RALY: variants seen among roughly 807,000 people sequenced by gnomAD.
RALY encodes the protein RNA-binding protein Raly.
In RALY, 15 loss-of-function variants were observed where a neutral mutation model predicts 30.7. The observed-to-expected ratio is 0.49, with a 90% confidence interval of 0.33 to 0.75. The LOEUF is 0.75. RALY is among the 30% of genes least tolerant of loss of function. The pLI is 0.02. For missense variants in RALY, 339 were observed against 414.3 expected (o/e 0.82, Z 1.58); for synonymous variants, 177 against 170.8 (o/e 1.04, Z -0.28).
intron 1 of RALY, among the ~76,000 whole-genome samples, chr20:34,028,636 G>A (rs551016702): frequency 2.0e-4 from 30 of 149,022 alleles, no homozygotes; most frequent in South Asian, 1.7e-3. Flanking sequence ...CCCGGGAGGC[G>A]GAGCTTGCAG....
chr20:34,077,494 C>T (rs762369324), intron 8 of RALY: 39 of 701,462 alleles, frequency 5.6e-5, no homozygotes, highest in South Asian at 2.5e-4. Flanking sequence ...TTCTGGCCTC[C>T]GGTTTCCACA....
At chr20:34,054,002 T>G (rs1331220380) in intron 2 of RALY, among the ~76,000 whole-genome samples, 2 of 152,166 alleles carry the variant, frequency 1.3e-5, no homozygotes. Flanking sequence ...CTCCCTGTAG[T>G]ATACTGAACA....
intron 1 of RALY, among the ~76,000 whole-genome samples, chr20:34,031,291 C>T (rs2032269509): frequency 6.7e-6 from 1 of 148,706 alleles, no homozygotes; most frequent in Admixed American, 6.8e-5. Flanking sequence ...GAACTCCTGA[C>T]TTCAGGTGAT....
intron 2 of RALY, among the ~76,000 whole-genome samples, chr20:34,054,205 AC>A (rs1170386445): frequency 6.6e-6 from 1 of 152,146 alleles, no homozygotes; most frequent in Non-Finnish European, 1.5e-5. Context: ...AAAAACGCCC[AC>A]CTAGGATTCT....
chr20:34,001,361 A>C (rs190763079), intron 1 of RALY, among the ~76,000 whole-genome samples: 1 of 152,252 alleles, frequency 6.6e-6, no homozygotes, highest in Non-Finnish European at 1.5e-5. Flanking sequence ...TATGGAGTAG[A>C]TGCCTCTACT....
intron 1 of RALY, chr20:34,030,004 C>T (rs921863361): frequency 2.6e-5 from 4 of 152,204 alleles, no homozygotes; most frequent in African/African-American, 7.2e-5. Context: ...GCCTCTGGAA[C>T]CACCTGGCTG....
rs77705695 is a variant in RALY, at chr20:34,066,899, T to A, written c.-9-5167T>A. On this transcript the variant is annotated intron_variant, in intron 2 of 9. Coordinates refer to ENST00000246194, the MANE Select transcript of RALY (RefSeq NM_016732.3). The stretch of plus-strand genomic sequence containing the variant: ...AAAATTCTGTACAACTGTGAGGAAT[T>A]GTAGTAGAAAAGGGAAAGGGTGAGG... Among the ~76,000 whole-genome samples, 129 of 152,246 alleles carry A rather than the reference T, an allele frequency of 8.5e-4. 4 individuals carry two copies. In the East Asian group the frequency reaches 0.023, roughly 27 times the overall value.
chr20:34,033,159 G>A (rs542157824), intron 2 of RALY: 2 of 152,352 alleles, frequency 1.3e-5, no homozygotes, highest in Admixed American at 1.3e-4. Context: ...TGTGCCCTTG[G>A]ACAGTCTTCA....
chr20:34,077,138 G>GC lies in RALY; in HGVS notation c.775dup (p.Gln259ProfsTer7), dbSNP rs756802875. 1 of 1,611,954 alleles carries GC rather than the reference G, an allele frequency of 6.2e-7. No individual in the cohort carries two copies. The highest frequency in any genetic ancestry group is 8.5e-7 in the Non-Finnish European group (1 of 1,179,220). On this transcript the variant is annotated frameshift_variant, in exon 8 of 10. Transcript: ENST00000246194. LOFTEE classifies it high-confidence loss of function. ...TGGCGGTGGCAGCAGCCGGCCACCA[G>GC]CCCCCCAAGAGAACACAACTTCTGA...
Position 34,048,853 on chromosome 20 carries a change from C to CAAA in RALY, c.-10+17265_-10+17267dup, listed in dbSNP as rs58117454. Reference sequence around the variant, plus strand: ...CCTGGGAGACAGCGAGACTCCGTCTCAAAAAAAAAAAAAAAAAATTTTCTC... The same window carrying CAAA: ...CCTGGGAGACAGCGAGACTCCGTCTCAAAAAAAAAAAAAAAAAAAAATTTTCTC... On this transcript the variant is annotated intron_variant, in intron 2 of 9. Coordinates refer to ENST00000246194, the MANE Select transcript of RALY (RefSeq NM_016732.3). Among the ~76,000 whole-genome samples the CAAA allele has an allele frequency of 1.3e-3, 136 of 105,626 alleles. 1 individual carries two copies. The highest frequency in any genetic ancestry group is 4.6e-3 in the African/African-American group (126 of 27,600). 69.3% of individuals were successfully genotyped at this position (105,626 alleles called of 152,430 possible).
intron 1 of RALY, among the ~76,000 whole-genome samples, chr20:34,008,896 C>T (rs564518603): frequency 1.3e-5 from 2 of 152,238 alleles, no homozygotes; most frequent in East Asian, 3.9e-4. Flanking sequence ...CTGGCTCAAG[C>T]AGTTCTGCTA....
intron 2 of RALY, among the ~76,000 whole-genome samples, chr20:34,048,749 G>A (rs1251435470): frequency 1.3e-5 from 2 of 151,526 alleles, no homozygotes; most frequent in Non-Finnish European, 2.9e-5. Flanking sequence ...CCAGCTACTC[G>A]GGAAGCTGAG....
At chr20:34,033,535 A>G (rs1379655088) in intron 2 of RALY, among the ~76,000 whole-genome samples, 1 of 152,166 alleles carries the variant, frequency 6.6e-6, no homozygotes, top group Admixed American at 6.5e-5. Context: ...TCAGATGGTA[A>G]GAAAGGGAGA....
At chr20:34,043,977 G>A (rs2123144146) in intron 2 of RALY, among the ~76,000 whole-genome samples, 1 of 152,112 alleles carries the variant, frequency 6.6e-6, no homozygotes, top group Middle Eastern at 3.4e-3. Context: ...TCCCAGAAGA[G>A]GTAATATTTG....
At chr20:34,044,589 C>T (rs1430836410) in intron 2 of RALY, among the ~76,000 whole-genome samples, 4 of 152,110 alleles carry the variant, frequency 2.6e-5, no homozygotes, top group South Asian at 2.1e-4. Flanking sequence ...CCGCCTGCCT[C>T]GGCCTCCCGA....
chr20:34,002,028 A>G (rs978057335), intron 1 of RALY, among the ~76,000 whole-genome samples: 2 of 152,246 alleles, frequency 1.3e-5, no homozygotes, highest in South Asian at 2.1e-4. Context: ...CGGCCTCTCA[A>G]AGTGCTGGGA....
chr20:34,007,173 T>A (rs1169408279), intron 1 of RALY, among the ~76,000 whole-genome samples: 1 of 152,208 alleles, frequency 6.6e-6, no homozygotes, highest in Non-Finnish European at 1.5e-5. Flanking sequence ...ACAGGCCTAC[T>A]TGTCTGCAAA....
chr20:34,026,898 T>C (rs2032064203), intron 1 of RALY, among the ~76,000 whole-genome samples: 1 of 152,194 alleles, frequency 6.6e-6, no homozygotes, highest in Non-Finnish European at 1.5e-5. Flanking sequence ...GATTTTGGAC[T>C]TCTAGTCCTC....
At chr20:34,061,219 G>C (rs767356748) in intron 2 of RALY, among the ~76,000 whole-genome samples, 1 of 152,140 alleles carries the variant, frequency 6.6e-6, no homozygotes, top group Non-Finnish European at 1.5e-5. Flanking sequence ...GTCTTCCCTT[G>C]CAGGATGTAG....
Sources: gnomAD v4.1 joint callset for allele counts (sites outside exome capture counted in the v4.1 genomes callset) on GRCh38, gnomAD v4.1.1 for gene constraint, MANE v1.5 for transcripts, NCBI Gene and HGNC (gene_info 2026-07-23, HGNC 2026-07-21) for gene names.